ZNF845: variants seen among roughly 807,000 people sequenced by gnomAD.
ZNF845 encodes the protein zinc finger protein 845.
In ZNF845, 59 loss-of-function variants were observed where a neutral mutation model predicts 76.1. That is an observed-to-expected ratio of 0.78 (90% CI 0.63 to 0.96). The LOEUF (loss-of-function observed/expected upper bound fraction) is 0.96, where lower values mean the gene tolerates loss of function less well. ZNF845 is among the 40% of genes least tolerant of loss of function. The pLI is 0.00. For synonymous variants in ZNF845, 361 were observed against 386.9 expected (o/e 0.93, Z 0.78); for missense variants, 1,045 against 1,172.8 (o/e 0.89, Z 1.59).
At chr19:53,348,390 G>A (rs2085311034) in intron 3 of ZNF845, among the ~76,000 whole-genome samples, 1 of 152,122 alleles carries the variant, frequency 6.6e-6, no homozygotes, top group African/African-American at 2.4e-5. Flanking sequence ...TTCCTGGTGA[G>A]AGCATTCTTC....
Position 53,352,224 on chromosome 19 carries a change from C to A in ZNF845, c.1549C>A (p.His517Asn). 6.2e-7 allele frequency: 1 copy of A among 1,613,676 alleles called. No homozygotes were observed. The highest frequency in any genetic ancestry group is 8.5e-7 in the Non-Finnish European group (1 of 1,179,878). ...AAACCTTGAAAGACATAGGATAATT[C>A]ATACTGGAGAGAAACTTTACAAGTG... ...KSNLERHRII[H>N]TGEKLYKCNE... The change falls in exon 4 of 4, where the codon CAT becomes AAT. Residue 517 changes from histidine (H) to asparagine (N), a missense_variant. Physicochemically the swap from His to Asn is moderately conservative, Grantham distance 68. Coordinates refer to ENST00000458035, the MANE Select transcript of ZNF845 (RefSeq NM_138374.3).
intron 2 of ZNF845, among the ~76,000 whole-genome samples, chr19:53,343,147 C>T (rs947751499): frequency 7.9e-5 from 12 of 152,096 alleles, no homozygotes; most frequent in African/African-American, 2.9e-4. Context: ...CTAGTCCTCT[C>T]CTTCCTCCCC....
At chr19:53,348,946 G>A (rs965851178) in intron 3 of ZNF845, among the ~76,000 whole-genome samples, 8 of 131,158 alleles carry the variant, frequency 6.1e-5, no homozygotes, top group African/African-American at 8.7e-5. Context: ...AACCTCCACC[G>A]CCTGGGTTCA....
chr19:53,351,460 G>A lies in ZNF845; in HGVS notation c.785G>A (p.Arg262His), dbSNP rs182006841. 146 of 1,614,180 alleles carry A rather than the reference G, an allele frequency of 9.0e-5. No homozygotes were observed. In the East Asian group the frequency reaches 2.6e-3, roughly 29 times the overall value. The change falls in exon 4 of 4, where the codon CGT becomes CAT. Residue 262 changes from arginine (R) to histidine (H), a missense_variant. Coordinates refer to ENST00000458035, the MANE Select transcript of ZNF845 (RefSeq NM_138374.3). ...FNQKRYLACH[R>H]RCHTGKKPYK... Reference sequence around the variant, plus strand: ...CAAAAGCGATATCTTGCATGTCATCGTAGATGTCACACTGGCAAGAAACCT... The same window carrying A: ...CAAAAGCGATATCTTGCATGTCATCATAGATGTCACACTGGCAAGAAACCT...
In ZNF845 at chr19:53,353,499, C is replaced by A. The variant is rs755176638; in HGVS notation, c.2824C>A (p.Pro942Thr). ...TAAGACAATTCATACTGGAGAGAAA[C>A]CTTACAAGTGTAATGAATGTGGCAA... is the stretch of plus-strand genomic sequence containing the variant. ...IHKTIHTGEK[P>T]YKCNECGKVF... Residue 942 changes from proline to threonine, a missense_variant, in exon 4 of 4, where the codon CCT (proline) becomes ACT (threonine). Transcript: ENST00000458035. 6.2e-7 allele frequency: 1 copy of A among 1,613,348 alleles called. No individual in the cohort carries two copies. The highest frequency in any genetic ancestry group is 8.5e-7 in the Non-Finnish European group (1 of 1,179,518).
intron 2 of ZNF845, among the ~76,000 whole-genome samples, chr19:53,344,931 G>T (rs1320919729): frequency 2.0e-5 from 3 of 152,196 alleles, no homozygotes; most frequent in Admixed American, 2.0e-4. Flanking sequence ...GAGGCACTGT[G>T]CCCGGCTCCT....
At chr19:53,345,407 C>CTACAAT in intron 2 of ZNF845, 99 bp from the exon 3 acceptor site, 3 of 1,599,722 alleles carry the variant, frequency 1.9e-6, no homozygotes, top group Non-Finnish European at 2.6e-6. Flanking sequence ...AGAACATTCA[C>CTACAAT]TACAATTAAA....
chr19:53,336,058 A>C (rs1265511438), intron 1 of ZNF845, among the ~76,000 whole-genome samples: 3 of 152,162 alleles, frequency 2.0e-5, no homozygotes, highest in Non-Finnish European at 4.4e-5. Flanking sequence ...CTAAAAATTC[A>C]AAAATTAGTT....
At chr19:53,335,503 G>C (rs532992101) in intron 1 of ZNF845, among the ~76,000 whole-genome samples, 1 of 152,084 alleles carries the variant, frequency 6.6e-6, no homozygotes, top group Non-Finnish European at 1.5e-5. Context: ...TCAAAGGATC[G>C]TCCTGCCTTG....
In ZNF845 at chr19:53,354,448, A is replaced by G. The variant is rs535766711; in HGVS notation, c.*860A>G. The G allele has an allele frequency of 9.7e-6, 2 of 205,796 alleles. No individual in the cohort carries two copies. The highest frequency in any genetic ancestry group is 4.7e-5 in the African/African-American group (2 of 42,172). The allele number at this position is 205,796 out of a possible 1,614,324, so 12.7% of individuals were successfully genotyped here. ...CACTTTGGGAGGCCAAGACCAATAG[A>G]TCACTTGAGGTCAGGAGTTTGAGAC... On this transcript the variant is annotated 3_prime_UTR_variant, in exon 4 of 4. Coordinates refer to ENST00000458035, the MANE Select transcript of ZNF845 (RefSeq NM_138374.3).
chr19:53,342,128 T>G (rs1199219461), intron 2 of ZNF845, among the ~76,000 whole-genome samples: 1 of 150,874 alleles, frequency 6.6e-6, no homozygotes, highest in African/African-American at 2.4e-5. Flanking sequence ...TTATTATATT[T>G]TAAATATACA....
chr19:53,345,859 T>G (rs1034044444), intron 3 of ZNF845, among the ~76,000 whole-genome samples: 11 of 151,850 alleles, frequency 7.2e-5, no homozygotes, highest in South Asian at 2.1e-4. Context: ...TTTTTAGTTT[T>G]TTTTTTTTTT....
chr19:53,355,341 A>G lies in ZNF845; in HGVS notation c.*1753A>G, dbSNP rs10419050. ...TTGCTCACTGCAACCTCTGTCTCCC[A>G]CGTCCAAGCAATTCTGTCTCAGCCT... On this transcript the variant is annotated 3_prime_UTR_variant, in exon 4 of 4. Transcript: ENST00000458035. The G allele has an allele frequency of 0.92, 139,633 of 152,084 alleles. 64,313 individuals carry two copies. The highest frequency in any genetic ancestry group is 0.98 in the African/African-American group (40,699 of 41,502). The allele number at this position is 152,084 out of a possible 1,614,324, so 9.4% of individuals were successfully genotyped here.
chr19:53,337,940 A>G (rs1357703949), intron 1 of ZNF845, among the ~76,000 whole-genome samples: 3 of 152,144 alleles, frequency 2.0e-5, no homozygotes, highest in Non-Finnish European at 2.9e-5. Flanking sequence ...ACCTCAGGTG[A>G]TCCGTCTGCC....
chr19:53,349,655 G>A (rs774632606), intron 3 of ZNF845, among the ~76,000 whole-genome samples: 2 of 152,034 alleles, frequency 1.3e-5, no homozygotes, highest in Non-Finnish European at 2.9e-5. Context: ...TATGGGTTAC[G>A]TTATTTTACT....
In ZNF845 at chr19:53,337,843, G is replaced by T. The variant is rs1452712283; in HGVS notation, c.-73-3392G>T. ...GGCCTCCCAGAGTGCTAGGGTACAG[G>T]TATGAGCCACCGCGCCCGCCCCAAT... is the stretch of plus-strand genomic sequence containing the variant. On this transcript the variant is annotated intron_variant, in intron 1 of 3. Coordinates refer to ENST00000458035, the MANE Select transcript of ZNF845 (RefSeq NM_138374.3). 3.9e-5 allele frequency among the ~76,000 whole-genome samples: 6 copies of T among 152,224 alleles called. No individual in the cohort carries two copies. The South Asian group carries it at 1.0e-3, about 26-fold the overall frequency.
In ZNF845 at chr19:53,347,821, G is replaced by A. The variant is rs147656368; in HGVS notation, c.142+2189G>A. 7.9e-3 allele frequency among the ~76,000 whole-genome samples: 1,201 copies of A among 152,284 alleles called. 9 individuals carry two copies. The highest frequency in any genetic ancestry group is 0.027 in the African/African-American group (1,123 of 41,556). ...AATCCCAGCAGTTTGGGAGGCAGAG[G>A]TGAGTGGATCACTTGAAGTCAGGAG... On this transcript the variant is annotated intron_variant, in intron 3 of 3. Coordinates refer to ENST00000458035, the MANE Select transcript of ZNF845 (RefSeq NM_138374.3).
rs749148699 is a variant in ZNF845 at position 53,352,844 on chromosome 19, G to A, written c.2169G>A (p.Glu723=). Residue 723 remains glutamate, a synonymous_variant, in exon 4 of 4, where the codon GAG becomes GAA. Transcript: ENST00000458035. ...HTGEKPYKCN[E]CGKAFSQKSS... ...GAGAGAAACCTTACAAGTGTAATGA[G>A]TGTGGCAAGGCCTTCAGTCAGAAGT... The A allele has an allele frequency of 4.4e-5, 71 of 1,611,514 alleles. 3 individuals are homozygous for A. In the South Asian group the frequency reaches 7.8e-4, roughly 18 times the overall value.
intron 3 of ZNF845, chr19:53,346,346 C>T (rs8108958): frequency 0.24 from 102,275 of 426,636 alleles, 13,011 homozygotes; most frequent in East Asian, 0.38. Context: ...GCAGCAGTGC[C>T]GTATGTGATC....
Sources: allele counts gnomAD v4.1 joint callset (sites outside exome capture counted in the v4.1 genomes callset), GRCh38; gene constraint gnomAD v4.1.1; transcripts MANE v1.5; gene names NCBI Gene and HGNC (gene_info 2026-07-23, HGNC 2026-07-21).